ITPKC: variants seen among roughly 807,000 people sequenced by gnomAD.
The protein encoded by ITPKC is IP3 3-kinase C.
Under a neutral mutation model 67.1 loss-of-function variants are expected in ITPKC, and 33 were observed. The observed-to-expected ratio is 0.49, with a 90% CI of 0.37 to 0.66. ITPKC has a LOEUF of 0.66. Among genes scored for constraint, ITPKC ranks in the 30% least tolerant of loss-of-function variants. ITPKC has a pLI of 0.00. For synonymous variants in ITPKC, 341 were observed against 359.8 expected (o/e 0.95, Z 0.59); for missense variants, 820 against 892.1 (o/e 0.92, Z 1.03).
chr19:40,732,306 C>T (rs889918597), intron 3 of ITPKC, among the ~76,000 whole-genome samples: 1 of 150,354 alleles, frequency 6.7e-6, no homozygotes, highest in Admixed American at 6.7e-5. Context: ...AGAGGCAGGC[C>T]GATCACGAGG....
chr19:40,733,786 G>A (rs1025068544), intron 4 of ITPKC, among the ~76,000 whole-genome samples: 4 of 152,160 alleles, frequency 2.6e-5, no homozygotes, highest in African/African-American at 9.7e-5. Context: ...AGGCATGGTG[G>A]CTCATGCCTG....
intron 2 of ITPKC, among the ~76,000 whole-genome samples, chr19:40,726,475 A>G (rs1203434867): frequency 6.6e-6 from 1 of 152,250 alleles, no homozygotes; most frequent in African/African-American, 2.4e-5. Flanking sequence ...CTCTGTCGCA[A>G]CTACTCAGCT....
intron 6 of ITPKC, among the ~76,000 whole-genome samples, chr19:40,738,214 G>A (rs569877952): frequency 1.5e-3 from 226 of 152,258 alleles, no homozygotes; most frequent in African/African-American, 5.2e-3. Flanking sequence ...AGATCACGAG[G>A]TCAGGAGATC....
In ITPKC at chr19:40,725,311, C is replaced by T. The variant is rs764644591; in HGVS notation, c.1156-29C>T. On this transcript the variant is annotated intron_variant, in intron 1 of 6. Transcript: ENST00000263370. Reference sequence around the variant, plus strand: ...GCCCCTGCCTTCCCTGGCCTTGGCCCTGACCCCACCCTGCTCTGCTCCCTA... The same window carrying T: ...GCCCCTGCCTTCCCTGGCCTTGGCCTTGACCCCACCCTGCTCTGCTCCCTA... The T allele has an allele frequency of 7.9e-6, 12 of 1,510,134 alleles. No individual in the cohort carries two copies. The South Asian group carries it at 1.2e-4, about 16-fold the overall frequency. 93.5% of individuals were successfully genotyped at this position (1,510,134 alleles called of 1,614,324 possible).
chr19:40,721,893 C>G (rs973783023), intron 1 of ITPKC, among the ~76,000 whole-genome samples: 5 of 151,414 alleles, frequency 3.3e-5, no homozygotes, highest in Non-Finnish European at 7.4e-5. Context: ...TCCAGCTATT[C>G]GGGAGGCTAA....
chr19:40,737,023 CGCAGGCACTG>C lies in ITPKC; in HGVS notation c.1714_1723del (p.Gln572SerfsTer3). The C allele has an allele frequency of 6.3e-7, 1 of 1,595,038 alleles. No individual in the cohort carries two copies. ...ACCTGTAACACCAACTTCAAGAAGA[CGCAGGCACTG>C]GAGCAGGTGACAAAAGTGCTGGAGG... On this transcript the variant is annotated frameshift_variant, in exon 5 of 7. Transcript: ENST00000263370. LOFTEE classifies it high-confidence loss of function.
Position 40,718,245 on chromosome 19 carries a change from G to T in ITPKC, c.1110G>T (p.Val370=). ...CTTTCGACGAGTCTGAGGATGACGTGGTGGCCGGGGGCGGAGGTGCCAGCG... is the reference window on the plus strand; with the variant it reads ...CTTTCGACGAGTCTGAGGATGACGTTGTGGCCGGGGGCGGAGGTGCCAGCG... ...ASSFDESEDD[V]VAGGGGASDP... The change falls in exon 1 of 7, where the codon GTG becomes GTT. Residue 370 remains valine, a synonymous_variant. Transcript: ENST00000263370. 1.2e-5 allele frequency: 19 copies of T among 1,524,304 alleles called. No individual in the cohort carries two copies. Among genetic ancestry groups the T allele is most frequent in the Non-Finnish European group, 1.7e-5 (19 of 1,141,160 alleles). 94.4% of individuals were successfully genotyped at this position (1,524,304 alleles called of 1,614,324 possible).
At chr19:40,736,933 G>A in intron 4 of ITPKC, 53 bp from the exon 5 acceptor site, 2 of 1,251,680 alleles carry the variant, frequency 1.6e-6, no homozygotes, top group Non-Finnish European at 2.3e-6. Context: ...GCTGGGTATT[G>A]GGTGCGGGAA....
chr19:40,734,277 TG>T (rs1160243314), intron 4 of ITPKC, among the ~76,000 whole-genome samples: 1 of 152,228 alleles, frequency 6.6e-6, no homozygotes, highest in African/African-American at 2.4e-5. Flanking sequence ...GACAGACACC[TG>T]GGTTGTTTCC....
intron 2 of ITPKC, among the ~76,000 whole-genome samples, chr19:40,727,708 A>G (rs1378496533): frequency 1.3e-5 from 2 of 152,230 alleles, no homozygotes; most frequent in Non-Finnish European, 2.9e-5. Flanking sequence ...ATTTCTAACA[A>G]GACAGCTCAG....
At chr19:40,723,422 C>G (rs1568448410) in intron 1 of ITPKC, among the ~76,000 whole-genome samples, 1 of 152,000 alleles carries the variant, frequency 6.6e-6, no homozygotes, top group African/African-American at 2.4e-5. Flanking sequence ...TTCTCTCTCT[C>G]TTTGTCTACT....
At chr19:40,738,117 A>C (rs1482486720) in intron 6 of ITPKC, among the ~76,000 whole-genome samples, 1 of 150,454 alleles carries the variant, frequency 6.6e-6, no homozygotes, top group African/African-American at 2.5e-5. Flanking sequence ...AACATGGCGA[A>C]ACCCCGTCTC....
Position 40,717,181 on chromosome 19 carries a change from G to A in ITPKC, c.46G>A (p.Gly16Arg). The A allele has an allele frequency of 3.3e-6, 4 of 1,226,370 alleles. No homozygotes were observed. Among genetic ancestry groups the A allele is most frequent in the Non-Finnish European group, 4.1e-6 (4 of 984,738 alleles). The allele number at this position is 1,226,370 out of a possible 1,614,324, so 76.0% of individuals were successfully genotyped here. A position where few individuals can be genotyped will look rare whatever the true frequency, so the allele number is the denominator to read the frequency against. The change falls in exon 1 of 7, where the codon GGG becomes AGG. Residue 16 changes from glycine to arginine, a missense_variant. This residue lies in a region of ITPKC where 481 missense variants were observed against 470.1 expected (regional missense o/e 1.02). Transcript: ENST00000263370. Reference protein sequence around the residue: ...CRGSLNEAEAGALPAAARMGL... With the variant: ...CRGSLNEAEARALPAAARMGL... The stretch of plus-strand genomic sequence containing the variant: ...TGGGAGCCTGAACGAGGCGGAGGCC[G>A]GGGCGCTGCCCGCGGCGGCCCGCAT...
intron 3 of ITPKC, among the ~76,000 whole-genome samples, chr19:40,731,600 T>TTG (rs1266032489): frequency 2.3e-5 from 3 of 133,228 alleles, no homozygotes; most frequent in South Asian, 4.7e-4. Context: ...CCTTGGTTTT[T>TTG]TTTTTTTTTT....
chr19:40,736,756 C>T (rs958389429), intron 4 of ITPKC, among the ~76,000 whole-genome samples: 15 of 151,990 alleles, frequency 9.9e-5, no homozygotes, highest in African/African-American at 2.9e-4. Context: ...CCTCCCGCCT[C>T]GGCCTCCCAA....
rs746463003 is a variant in ITPKC at position 40,717,354 on chromosome 19, G to A, written c.219G>A (p.Arg73=). The A allele has an allele frequency of 6.2e-7, 1 of 1,611,020 alleles. No individual in the cohort carries two copies. The highest frequency in any genetic ancestry group is 2.2e-5 in the East Asian group (1 of 44,858). The change falls in exon 1 of 7, where the codon AGG becomes AGA. Residue 73 remains arginine, a synonymous_variant. Coordinates refer to ENST00000263370, the MANE Select transcript of ITPKC (RefSeq NM_025194.3). ...EGSSLHSEPE[R]AGLGPAPGTE... is the part of the protein sequence containing the mutation. ...CCAGCCTCCACAGCGAGCCTGAGAG[G>A]GCCGGCCTCGGGCCTGCGCCGGGGA...
At chr19:40,729,753 G>A (rs1019697837) in intron 3 of ITPKC, among the ~76,000 whole-genome samples, 1 of 151,572 alleles carries the variant, frequency 6.6e-6, no homozygotes, top group African/African-American at 2.4e-5. Context: ...GGCAACAAGA[G>A]TGGAACCCTG....
At chr19:40,731,641 G>A (rs1176904818) in intron 3 of ITPKC, among the ~76,000 whole-genome samples, 1 of 117,052 alleles carries the variant, frequency 8.5e-6, no homozygotes, top group Non-Finnish European at 1.6e-5. Flanking sequence ...CTTGCTCTGT[G>A]TCCCAGGCTG....
intron 1 of ITPKC, among the ~76,000 whole-genome samples, chr19:40,719,151 G>T (rs1363010226): frequency 1.3e-5 from 2 of 152,108 alleles, no homozygotes; most frequent in African/African-American, 4.8e-5. Flanking sequence ...TTTGCTCTGG[G>T]GCCCCTGGCT....
Sources: gnomAD v4.1 joint callset for allele counts (sites outside exome capture counted in the v4.1 genomes callset) on GRCh38, gnomAD v4.1.1 for gene constraint, gnomAD v4.1.1 regional missense constraint, MANE v1.5 for transcripts, NCBI Gene and HGNC (gene_info 2026-07-23, HGNC 2026-07-21) for gene names.